GRIK1: variants seen among roughly 807,000 people sequenced by gnomAD.
The protein encoded by GRIK1 is glutamate ionotropic receptor kainate type subunit 1.
A neutral mutation model predicts 105.7 loss-of-function variants in GRIK1; 69 were observed. That is an observed-to-expected ratio of 0.65 (90% CI 0.54 to 0.80). The LOEUF (loss-of-function observed/expected upper bound fraction) is 0.80. GRIK1 is among the 30% of genes least tolerant of loss of function. The pLI is 0.00. For synonymous variants in GRIK1, 438 were observed against 431.3 expected (o/e 1.02, Z -0.19); for missense variants, 1,109 against 1,167.3 (o/e 0.95, Z 0.73).
intron 7 of GRIK1, among the ~76,000 whole-genome samples, chr21:29,621,211 C>T (rs1373038978): frequency 2.0e-5 from 3 of 152,054 alleles, no homozygotes; most frequent in African/African-American, 4.8e-5. Context: ...AATAACAGTA[C>T]ATTAAAAAAT....
At chr21:29,791,718 G>A (rs1291279853) in intron 1 of GRIK1, among the ~76,000 whole-genome samples, 2 of 152,158 alleles carry the variant, frequency 1.3e-5, no homozygotes, top group Non-Finnish European at 2.9e-5. Flanking sequence ...AAGCCCTAGA[G>A]AAATGCTGAC....
At chr21:29,616,285 T>C (rs191283000) in intron 7 of GRIK1, among the ~76,000 whole-genome samples, 4 of 152,286 alleles carry the variant, frequency 2.6e-5, no homozygotes, top group Admixed American at 1.3e-4. Context: ...TACGGTACTC[T>C]CTTGTCCATC....
intron 1 of GRIK1, among the ~76,000 whole-genome samples, chr21:29,771,772 C>A (rs1395918920): frequency 6.6e-6 from 1 of 152,198 alleles, no homozygotes; most frequent in Non-Finnish European, 1.5e-5. Context: ...TTGGCTATAC[C>A]AGTAGTGAAA....
intron 14 of GRIK1, among the ~76,000 whole-genome samples, chr21:29,572,893 C>T (rs1163159576): frequency 6.6e-6 from 1 of 152,124 alleles, no homozygotes; most frequent in African/African-American, 2.4e-5. Flanking sequence ...GCCTCAGCCT[C>T]CCGAGTAGCT....
At chr21:29,902,127 G>T (rs188997985) in intron 1 of GRIK1, among the ~76,000 whole-genome samples, 2 of 152,262 alleles carry the variant, frequency 1.3e-5, no homozygotes, top group African/African-American at 4.8e-5. Context: ...CAATAAACTA[G>T]GTGTTGGTGG....
At chr21:29,855,657 T>C (rs984078629) in intron 1 of GRIK1, among the ~76,000 whole-genome samples, 3 of 152,148 alleles carry the variant, frequency 2.0e-5, no homozygotes, top group African/African-American at 7.2e-5. Flanking sequence ...TTTGTGTTCT[T>C]AGAAGATTAG....
chr21:29,855,686 G>A (rs1346574954), intron 1 of GRIK1, among the ~76,000 whole-genome samples: 2 of 152,180 alleles, frequency 1.3e-5, no homozygotes, highest in African/African-American at 4.8e-5. Context: ...GTTGAGAATA[G>A]ATCAGCTGGG....
chr21:29,719,577 G>C (rs992110555), intron 1 of GRIK1, among the ~76,000 whole-genome samples: 3 of 151,790 alleles, frequency 2.0e-5, no homozygotes, highest in Non-Finnish European at 1.5e-5. Context: ...AAAGAAGAAA[G>C]AAACATGGGC....
At chr21:29,814,712 C>T (rs1221873245) in intron 1 of GRIK1, among the ~76,000 whole-genome samples, 1 of 152,172 alleles carries the variant, frequency 6.6e-6, no homozygotes. Flanking sequence ...AGAAATTCAT[C>T]TTTAAATCCT....
At position 29,577,009 on chromosome 21, in the gene GRIK1, T is replaced by C. The variant is rs1387532869; in HGVS notation, c.2085A>G (p.Ile695Met). 1 of 1,613,784 alleles carries C rather than the reference T, an allele frequency of 6.2e-7. No homozygotes were observed. ...SADDLAKQTK[I>M]EYGAVRDGST... is the part of the protein sequence containing the mutation. ...ATCCATCTCTAACCGCCCCATATTC[T>C]ATCTTGGTTTGCTTTGCCAGATCAT... The change falls in exon 14 of 18, where the codon ATA (isoleucine) becomes ATG (methionine). Residue 695 changes from isoleucine to methionine, a missense_variant. This residue lies in a region of GRIK1 where 264 missense variants were observed against 306.9 expected (regional missense o/e 0.86). Coordinates refer to ENST00000327783, the MANE Select transcript of GRIK1 (RefSeq NM_001330994.2).
chr21:29,835,575 G>T (rs936729345), intron 1 of GRIK1, among the ~76,000 whole-genome samples: 1 of 152,142 alleles, frequency 6.6e-6, no homozygotes, highest in African/African-American at 2.4e-5. Flanking sequence ...CCAAACAACT[G>T]ATCATTTGTT....
chr21:29,855,845 T>C (rs2068446491), intron 1 of GRIK1, among the ~76,000 whole-genome samples: 1 of 152,150 alleles, frequency 6.6e-6, no homozygotes, highest in Non-Finnish European at 1.5e-5. Flanking sequence ...TAGGATTTTC[T>C]GACAGATGAA....
rs1456241446 is a variant in GRIK1 at position 29,739,173 on chromosome 21, G to T, written c.119-45110C>A. Among the ~76,000 whole-genome samples, 3 of 152,296 alleles carry T rather than the reference G, an allele frequency of 2.0e-5. No individual in the cohort carries two copies. The East Asian group carries it at 5.8e-4, about 29-fold the overall frequency. ...AAGTGCTGTGATTACAAATAAAGCG[G>T]AATGAGGGGGTTAAGAGTGATGGAG... is the stretch of plus-strand genomic sequence containing the variant. On this transcript the variant is annotated intron_variant, in intron 1 of 17. Transcript: ENST00000327783.
chr21:29,634,337 A>G (rs1483275160), intron 7 of GRIK1, among the ~76,000 whole-genome samples: 1 of 152,230 alleles, frequency 6.6e-6, no homozygotes, highest in Non-Finnish European at 1.5e-5. Flanking sequence ...GTGGCAGAAA[A>G]CTGCCCATAT....
At chr21:29,626,518 A>T (rs1388982972) in intron 7 of GRIK1, among the ~76,000 whole-genome samples, 1 of 152,224 alleles carries the variant, frequency 6.6e-6, no homozygotes, top group Non-Finnish European at 1.5e-5. Flanking sequence ...GGCCATCTCA[A>T]GTCAGGGAGA....
chr21:29,726,466 G>A (rs1353079271), intron 1 of GRIK1, among the ~76,000 whole-genome samples: 1 of 151,998 alleles, frequency 6.6e-6, no homozygotes, highest in East Asian at 1.9e-4. Context: ...TTGTTATTAC[G>A]CTTATGTGAA....
At chr21:29,544,284 A>C (rs891142720) in intron 16 of GRIK1, among the ~76,000 whole-genome samples, 3 of 152,210 alleles carry the variant, frequency 2.0e-5, no homozygotes, top group Non-Finnish European at 2.9e-5. Flanking sequence ...TGCACAATCC[A>C]TAGGGATTCT....
At chr21:29,695,951 A>T (rs895002823) in intron 1 of GRIK1, among the ~76,000 whole-genome samples, 2 of 152,262 alleles carry the variant, frequency 1.3e-5, no homozygotes, top group Non-Finnish European at 2.9e-5. Context: ...ACAAATACGC[A>T]TCATGCGCGT....
At chr21:29,545,362 T>C (rs1334157468) in intron 16 of GRIK1, among the ~76,000 whole-genome samples, 1 of 152,226 alleles carries the variant, frequency 6.6e-6, no homozygotes, top group Non-Finnish European at 1.5e-5. Flanking sequence ...CAGAGGCCAG[T>C]GTGGCTTTGT....
Sources: allele counts gnomAD v4.1 joint callset (sites outside exome capture counted in the v4.1 genomes callset), GRCh38; gene constraint gnomAD v4.1.1; regional missense constraint gnomAD v4.1.1; transcripts MANE v1.5; gene names NCBI Gene and HGNC (gene_info 2026-07-23, HGNC 2026-07-21).